The following NUP155 variants were observed in gnomAD, a reference collection of about 807,000 sequenced individuals.
The protein encoded by NUP155 is nucleoporin 155, also known as nuclear pore complex protein Nup155.
In NUP155, 71 loss-of-function variants were observed where a neutral mutation model predicts 180.4. That is an observed-to-expected ratio of 0.39 (90% CI 0.33 to 0.48). NUP155 has a LOEUF of 0.48. Among genes scored for constraint, NUP155 ranks in the 20% least tolerant of loss-of-function variants. NUP155 has a pLI of 0.91. For synonymous variants in NUP155, 582 were observed against 559.5 expected (o/e 1.04, Z -0.57); for missense variants, 1,553 against 1,648.9 (o/e 0.94, Z 1.01).
chr5:37,331,293 G>A (rs1744945448), intron 14 of NUP155, among the ~76,000 whole-genome samples: 1 of 152,154 alleles, frequency 6.6e-6, no homozygotes. Context: ...TCTATTTATG[G>A]CTGGGCTTGG....
At position 37,370,890 on chromosome 5, in the gene NUP155, T is replaced by C. The variant is rs748645475; in HGVS notation, c.88A>G (p.Ile30Val). Reference protein sequence around the residue: ...QEALENAGRLIDRQLQEDRMY... With the variant: ...QEALENAGRLVDRQLQEDRMY... ...CGGTCCTCTTGCAACTGACGGTCGATGAGCCGTCCAGCATTTTCCAGAGCT... is the reference window on the plus strand; with the variant it reads ...CGGTCCTCTTGCAACTGACGGTCGACGAGCCGTCCAGCATTTTCCAGAGCT... Residue 30 changes from isoleucine to valine, a missense_variant, in exon 1 of 35, where the codon ATC becomes GTC. Coordinates refer to ENST00000231498, the MANE Select transcript of NUP155 (RefSeq NM_153485.3). 5.6e-6 allele frequency: 9 copies of C among 1,614,196 alleles called. No individual in the cohort carries two copies. In the Admixed American group the frequency reaches 1.3e-4, roughly 24 times the overall value.
chr5:37,338,353 C>T (rs1254105551), intron 11 of NUP155, among the ~76,000 whole-genome samples: 4 of 150,124 alleles, frequency 2.7e-5, no homozygotes, highest in African/African-American at 7.3e-5. Context: ...CAAAACCACA[C>T]GTACTTTTAT....
chr5:37,331,643 G>A, intron 14 of NUP155, 42 bp downstream of exon 14: 1 of 1,118,018 alleles, frequency 8.9e-7, no homozygotes. Context: ...CCCACTGTTT[G>A]TTTAAAATAG....
At chr5:37,324,139 A>C in intron 19 of NUP155, 32 bp from the exon 20 acceptor site, 1 of 1,298,822 alleles carries the variant, frequency 7.7e-7, no homozygotes, top group Non-Finnish European at 1.1e-6. Context: ...CAAAAGTTTA[A>C]AAACACACCC....
chr5:37,313,057 T>C (rs1049781357), intron 22 of NUP155, among the ~76,000 whole-genome samples: 1 of 152,200 alleles, frequency 6.6e-6, no homozygotes, highest in African/African-American at 2.4e-5. Context: ...ATTATCCTTA[T>C]CCTTAGAAAG....
chr5:37,368,006 A>T (rs112205234), intron 1 of NUP155, among the ~76,000 whole-genome samples: 15,501 of 150,788 alleles, frequency 0.1, 869 homozygotes, highest in Admixed American at 0.15. Flanking sequence ...CTGGTCTTGA[A>T]CTCCTAACCT....
chr5:37,359,634 C>T (rs1016359512), intron 3 of NUP155, among the ~76,000 whole-genome samples: 2 of 152,138 alleles, frequency 1.3e-5, no homozygotes, highest in African/African-American at 4.8e-5. Flanking sequence ...ATAAATACCA[C>T]TTGCTACTTA....
intron 2 of NUP155, 27 bp from the exon 3 acceptor site, chr5:37,364,011 CAG>C: frequency 6.6e-7 from 1 of 1,506,874 alleles, no homozygotes; most frequent in Non-Finnish European, 9.2e-7. Flanking sequence ...GTAAGGCAGA[CAG>C]AGGTGAATCT....
At chr5:37,299,017 T>C (rs1742729056) in intron 31 of NUP155, 39 bp from the exon 32 acceptor site, 1 of 1,156,412 alleles carries the variant, frequency 8.6e-7, no homozygotes, top group African/African-American at 1.5e-5. Context: ...CCCAAATTAC[T>C]TTTAATGTGA....
intron 9 of NUP155, among the ~76,000 whole-genome samples, chr5:37,344,871 C>CAAAAAAAAAAAA (rs34103075): frequency 2.7e-5 from 2 of 75,270 alleles, no homozygotes. Context: ...GACTCCATCT[C>CAAAAAAAAAAAA]AAAAAAAAAA....
At chr5:37,329,478 C>G (rs1271048057) in intron 15 of NUP155, among the ~76,000 whole-genome samples, 200 bp from the exon 16 acceptor site, 2 of 152,052 alleles carry the variant, frequency 1.3e-5, no homozygotes, top group African/African-American at 2.4e-5. Context: ...GAAACTGCTA[C>G]CAGGAAGAAT....
chr5:37,367,997 T>G (rs1233997522), intron 1 of NUP155, among the ~76,000 whole-genome samples: 1 of 152,162 alleles, frequency 6.6e-6, no homozygotes, highest in Non-Finnish European at 1.5e-5. Context: ...TTGGTCAGGC[T>G]GGTCTTGAAC....
At chr5:37,299,427 T>C (rs2150939975) in intron 31 of NUP155, 21 bp downstream of exon 31, 1 of 1,613,880 alleles carries the variant, frequency 6.2e-7, no homozygotes, top group African/African-American at 1.3e-5. Context: ...TATGCTAACA[T>C]ACCTATAACT....
In NUP155 at chr5:37,342,617, A is replaced by C; in HGVS notation, c.1025T>G (p.Ile342Ser). 1 of 1,612,876 alleles carries C rather than the reference A, an allele frequency of 6.2e-7. No individual in the cohort carries two copies. Among genetic ancestry groups the C allele is most frequent in the South Asian group, 1.1e-5 (1 of 91,050 alleles). The change falls in exon 10 of 35, where the codon ATT becomes AGT. Residue 342 changes from isoleucine to serine, a missense_variant. Transcript: ENST00000231498. ...RTIDRSVFKP[I>S]VQIAVIENSE... ...ATTTTCAATCACTGCTATTTGGACAATTGGTTTAAAAACAGAACGATCGAT... is the reference window on the plus strand; with the variant it reads ...ATTTTCAATCACTGCTATTTGGACACTTGGTTTAAAAACAGAACGATCGAT...
intron 3 of NUP155, among the ~76,000 whole-genome samples, chr5:37,359,014 C>CAA (rs35596568): frequency 1.1e-4 from 14 of 127,708 alleles, no homozygotes; most frequent in African/African-American, 3.6e-4. Context: ...GACTCCGTCT[C>CAA]AAAAAAAAAA....
At chr5:37,346,582 G>A (rs1746101147) in intron 9 of NUP155, among the ~76,000 whole-genome samples, 1 of 151,944 alleles carries the variant, frequency 6.6e-6, no homozygotes, top group African/African-American at 2.4e-5. Context: ...TAAGGCAGGA[G>A]AATCGCTTGA....
At chr5:37,344,907 G>A (rs1359157580) in intron 9 of NUP155, among the ~76,000 whole-genome samples, 1 of 151,714 alleles carries the variant, frequency 6.6e-6, no homozygotes, top group Non-Finnish European at 1.5e-5. Context: ...GGGCACGGTG[G>A]TTCACATCTG....
At position 37,351,405 on chromosome 5, in the gene NUP155, T is replaced by C. The variant is rs373145868; in HGVS notation, c.557-49A>G. On this transcript the variant is annotated intron_variant, in intron 5 of 34. Transcript: ENST00000231498. ...TCAGTTTATTAGCTACTCCACAGTT[T>C]TTAAAAATCTTTGCATTATCATCAG... 1.6e-3 allele frequency: 2,124 copies of C among 1,310,924 alleles called. 6 individuals carry two copies. The highest frequency in any genetic ancestry group is 2.2e-3 in the Non-Finnish European group (2,037 of 913,932). 81.2% of individuals were successfully genotyped at this position (1,310,924 alleles called of 1,614,324 possible). A position where few individuals can be genotyped will look rare whatever the true frequency, so the allele number is the denominator to read the frequency against.
rs763296719 is a variant in NUP155, at chr5:37,305,134, T to G, written c.2980A>C (p.Ser994Arg). The G allele has an allele frequency of 1.9e-6, 3 of 1,614,000 alleles. No homozygotes were observed. The Admixed American group carries it at 5.0e-5, about 27-fold the overall frequency. The change falls in exon 26 of 35, where the codon AGT becomes CGT. Residue 994 changes from serine to arginine, a missense_variant. Coordinates refer to ENST00000231498, the MANE Select transcript of NUP155 (RefSeq NM_153485.3). Reference protein sequence around the residue: ...NQSKAAPQSPSVPKKPGPPVL... With the variant: ...NQSKAAPQSPRVPKKPGPPVL... ...GGAGGACCAGGTTTTTTGGGTACAC[T>G]GGGAGACTGAGGAGCGGCCTTACTT...
Sources: gnomAD v4.1 joint callset for allele counts (sites outside exome capture counted in the v4.1 genomes callset) on GRCh38, gnomAD v4.1.1 for gene constraint, MANE v1.5 for transcripts, NCBI Gene and HGNC (gene_info 2026-07-23, HGNC 2026-07-21) for gene names.